UVRAG: variants seen among roughly 807,000 people sequenced by gnomAD.
The protein encoded by UVRAG is UV radiation resistance-associated gene protein.
A neutral mutation model predicts 78.0 loss-of-function variants in UVRAG; 19 were observed. That is an observed-to-expected ratio of 0.24 (90% confidence interval 0.17 to 0.36). The LOEUF (loss-of-function observed/expected upper bound fraction) is 0.36. UVRAG is among the 10% of genes least tolerant of loss of function. UVRAG has a pLI of 1.00. For missense variants in UVRAG, 740 were observed against 853.8 expected (o/e 0.87, Z 1.66); for synonymous variants, 323 against 324.6 (o/e 1.00, Z 0.05).
At chr11:75,940,988 T>C (rs1314538906) in intron 6 of UVRAG, among the ~76,000 whole-genome samples, 1 of 152,128 alleles carries the variant, frequency 6.6e-6, no homozygotes. Context: ...CCTTTGACAT[T>C]ACTACTAAAT....
intron 8 of UVRAG, among the ~76,000 whole-genome samples, chr11:76,001,010 GATAGCATACCA>G (rs1215403188): frequency 1.3e-5 from 2 of 152,158 alleles, no homozygotes; most frequent in African/African-American, 4.8e-5. Flanking sequence ...TCACCTAATT[GATAGCATACCA>G]CTCCACTGAA....
intron 8 of UVRAG, among the ~76,000 whole-genome samples, chr11:76,003,294 CA>C (rs1427453814): frequency 1.1e-5 from 1 of 94,636 alleles, no homozygotes; most frequent in Non-Finnish European, 1.8e-5. Context: ...TTTTTGGAGA[CA>C]GAGTCTCGTT....
chr11:75,832,684 TC>T (rs1461274305), intron 1 of UVRAG, among the ~76,000 whole-genome samples: 9 of 152,188 alleles, frequency 5.9e-5, no homozygotes, highest in African/African-American at 2.2e-4. Context: ...CTCCAGCCTG[TC>T]TCCCCTCCCT....
Position 75,844,783 on chromosome 11 carries a change from T to C in UVRAG, c.118-7100T>C, listed in dbSNP as rs563228594. On this transcript the variant is annotated intron_variant, in intron 1 of 14. Coordinates refer to ENST00000356136, the MANE Select transcript of UVRAG (RefSeq NM_003369.4). ...GGCTCATTTGGGCTCGGGTGATTCTTGCACCTCAGCCTCCTGGGTAGCTGG... is the reference window on the plus strand; with the variant it reads ...GGCTCATTTGGGCTCGGGTGATTCTCGCACCTCAGCCTCCTGGGTAGCTGG... Among the ~76,000 whole-genome samples the C allele has an allele frequency of 2.6e-5, 4 of 152,036 alleles. No homozygotes were observed. In the South Asian group the frequency reaches 8.3e-4, roughly 32 times the overall value.
chr11:76,060,076 A>G (rs1402852133), intron 12 of UVRAG, among the ~76,000 whole-genome samples: 1 of 152,172 alleles, frequency 6.6e-6, no homozygotes. Context: ...GGGAGAGGGT[A>G]GTGTTTATAA....
At chr11:76,066,473 T>G (rs1408916837) in intron 13 of UVRAG, among the ~76,000 whole-genome samples, 2 of 152,118 alleles carry the variant, frequency 1.3e-5, no homozygotes, top group African/African-American at 4.8e-5. Flanking sequence ...TTTTTTATTT[T>G]TTTTTGTTTT....
rs115919119 is a variant in UVRAG at position 76,030,395 on chromosome 11, T to C, written c.1226+13415T>C. Among the ~76,000 whole-genome samples, 1,093 of 152,254 alleles carry C rather than the reference T, an allele frequency of 7.2e-3. 13 individuals carry two copies. Among genetic ancestry groups the C allele is most frequent in the African/African-American group, 0.025 (1,038 of 41,564 alleles). On this transcript the variant is annotated intron_variant, in intron 12 of 14. Transcript: ENST00000356136. Reference sequence around the variant, plus strand: ...CCACAATATATCCAGTGTATGTCTGTACTTCAAATAGGCCGAGAGTTAACT... The same window carrying C: ...CCACAATATATCCAGTGTATGTCTGCACTTCAAATAGGCCGAGAGTTAACT...
intron 12 of UVRAG, among the ~76,000 whole-genome samples, chr11:76,055,956 AC>A (rs1236009847): frequency 6.6e-6 from 1 of 152,080 alleles, no homozygotes; most frequent in African/African-American, 2.4e-5. Context: ...TGATCTGCCC[AC>A]CTCGGCCTCC....
At chr11:75,999,896 G>A (rs777551601) in intron 8 of UVRAG, among the ~76,000 whole-genome samples, 7 of 151,702 alleles carry the variant, frequency 4.6e-5, no homozygotes, top group Non-Finnish European at 1.0e-4. Flanking sequence ...TCCAAAATCT[G>A]AAAAAAAATT....
intron 1 of UVRAG, among the ~76,000 whole-genome samples, chr11:75,826,129 G>A (rs768918976): frequency 6.6e-6 from 1 of 151,770 alleles, no homozygotes; most frequent in Non-Finnish European, 1.5e-5. Flanking sequence ...GAGCCACTGT[G>A]CCTGGCCAAG....
At chr11:75,849,984 G>A (rs1317373414) in intron 1 of UVRAG, among the ~76,000 whole-genome samples, 2 of 151,904 alleles carry the variant, frequency 1.3e-5, no homozygotes, top group Non-Finnish European at 2.9e-5. Context: ...AATCTTCTAG[G>A]ACCCACATAC....
intron 13 of UVRAG, among the ~76,000 whole-genome samples, chr11:76,102,198 T>C (rs1951890903): frequency 6.6e-6 from 1 of 152,220 alleles, no homozygotes; most frequent in Non-Finnish European, 1.5e-5. Flanking sequence ...TGATGTTGAT[T>C]CTTTCAATTC....
At chr11:75,978,538 C>T (rs1479481874) in intron 7 of UVRAG, among the ~76,000 whole-genome samples, 2 of 152,198 alleles carry the variant, frequency 1.3e-5, no homozygotes, top group Non-Finnish European at 2.9e-5. Flanking sequence ...TTCACATAGT[C>T]CCATATTTGT....
intron 1 of UVRAG, among the ~76,000 whole-genome samples, chr11:75,821,906 A>G (rs1434446615): frequency 7.0e-6 from 1 of 143,124 alleles, no homozygotes; most frequent in Non-Finnish European, 1.5e-5. Flanking sequence ...CCATTTTCAT[A>G]TATTACGTAC....
At chr11:76,016,296 C>T (rs1950143424) in intron 11 of UVRAG, among the ~76,000 whole-genome samples, 2 of 152,036 alleles carry the variant, frequency 1.3e-5, no homozygotes, top group African/African-American at 4.8e-5. Flanking sequence ...TATTATGTAA[C>T]CCTGTCTTTT....
intron 13 of UVRAG, among the ~76,000 whole-genome samples, chr11:76,081,488 G>T (rs371092768): frequency 3.3e-5 from 5 of 152,264 alleles, no homozygotes; most frequent in African/African-American, 1.2e-4. Context: ...TTACAGGTGT[G>T]AGTGACCGAC....
intron 6 of UVRAG, among the ~76,000 whole-genome samples, chr11:75,922,494 C>T (rs1427089107): frequency 2.0e-5 from 3 of 151,984 alleles, no homozygotes; most frequent in Admixed American, 1.3e-4. Context: ...GGCTTTTCTT[C>T]TCTAATGTTT....
chr11:76,115,761 T>G (rs1952166116), intron 13 of UVRAG, 163 bp from the exon 14 acceptor site: 1 of 612,682 alleles, frequency 1.6e-6, no homozygotes, highest in African/African-American at 1.9e-5. Context: ...CTTATCTATA[T>G]GTCAAATACC....
chr11:75,976,223 G>C (rs1949235352), intron 7 of UVRAG, among the ~76,000 whole-genome samples: 1 of 152,210 alleles, frequency 6.6e-6, no homozygotes, highest in Admixed American at 6.5e-5. Context: ...AAGCCCACTT[G>C]ATCATGGTGG....
Sources: gnomAD v4.1 joint callset for allele counts (sites outside exome capture counted in the v4.1 genomes callset) on GRCh38, gnomAD v4.1.1 for gene constraint, MANE v1.5 for transcripts, NCBI Gene and HGNC (gene_info 2026-07-23, HGNC 2026-07-21) for gene names.